Variants in S100G observed in about 807,000 individuals in gnomAD.
The protein encoded by S100G is protein S100-G.
Under a neutral mutation model 4.4 loss-of-function variants are expected in S100G, and 4 were observed. The observed-to-expected ratio is 0.91, with a 90% CI of 0.45 to 2.09. S100G has a LOEUF of 2.09. Among genes scored for constraint, S100G ranks in the 30% most tolerant of loss-of-function variants. The pLI, the probability that S100G is intolerant of heterozygous loss-of-function variation, is 0.03. For missense variants in S100G, 48 were observed against 49.8 expected, an observed-to-expected ratio of 0.96 and a Z score of 0.11; for synonymous variants, 24 against 20.1, an observed-to-expected ratio of 1.20 and a Z score of -0.53.
intron 2 of S100G, 44 bp downstream of exon 2, chrX:16,651,185 G>T: frequency 9.8e-7 from 1 of 1,017,117 alleles, no homozygotes; most frequent in South Asian, 2.0e-5. Flanking sequence ...ACTGATGGTG[G>T]GAGGGGAGGG....
Position 16,654,492 on chromosome X carries a change from A to T in S100G, c.223A>T (p.Lys75Ter). The T allele has an allele frequency of 8.5e-7, 1 of 1,174,762 alleles. No homozygotes were observed. The highest frequency in any genetic ancestry group is 1.2e-6 in the Non-Finnish European group (1 of 864,008). Residue 75 changes from lysine (K) to a stop codon, truncating the protein, a stop_gained, in exon 3 of 3, where the codon AAA becomes TAA. Coordinates refer to ENST00000380200, the MANE Select transcript of S100G (RefSeq NM_004057.3). LOFTEE classifies it high-confidence loss of function. ...TTTTGAAGAATTCCAAGTATTAGTA[A>T]AAAAGATATCCCAGTGAAGGAGAAA... ...VSFEEFQVLV[K>*]KISQ
chrX:16,652,017 A>AT (rs1932666951), intron 2 of S100G, among the ~76,000 whole-genome samples: 2 of 105,300 alleles, frequency 1.9e-5, no homozygotes, highest in South Asian at 1.0e-3. Context: ...ATAGAGCAGG[A>AT]TGGGGGGGGC....
chrX:16,650,803 G>A (rs1296797703), intron 1 of S100G, among the ~76,000 whole-genome samples, 196 bp from the exon 2 acceptor site: 1 of 110,402 alleles, frequency 9.1e-6, no homozygotes, highest in African/African-American at 3.3e-5. Context: ...GAGCTACCGT[G>A]CCTGGCCTAA....
At chrX:16,651,192 A>T in intron 2 of S100G, 51 bp downstream of exon 2, 7 of 290,887 alleles carry the variant, frequency 2.4e-5, no homozygotes, top group Non-Finnish European at 4.1e-5. Context: ...GTGGGAGGGG[A>T]GGGAGGGAGG....
At chrX:16,651,822 C>T (rs1932651118) in intron 2 of S100G, among the ~76,000 whole-genome samples, 1 of 111,679 alleles carries the variant, frequency 9.0e-6, no homozygotes, top group African/African-American at 3.3e-5. Flanking sequence ...GTCCTCACTC[C>T]AATATACAGT....
intron 2 of S100G, among the ~76,000 whole-genome samples, chrX:16,651,443 C>G (rs1444894901): frequency 9.0e-6 from 1 of 111,669 alleles, no homozygotes; most frequent in African/African-American, 3.3e-5. Flanking sequence ...CCCAATAAGG[C>G]CTTCAGCATG....
rs966015126 is a variant in S100G, at chrX:16,650,182, T to G, written c.-30T>G. On this transcript the variant is annotated 5_prime_UTR_variant, in exon 1 of 3. Transcript: ENST00000380200. ...CAAACTCCTCTTTGATTCTTCTAGC[T>G]GTTTCACTATTGGGCAACCAGGTTA... 2 of 112,403 alleles carry G rather than the reference T, an allele frequency of 1.8e-5. No individual in the cohort carries two copies. The highest frequency in any genetic ancestry group is 6.5e-5 in the African/African-American group (2 of 30,920). 9.3% of individuals were successfully genotyped at this position (112,403 alleles called of 1,213,427 possible). A position where few individuals can be genotyped will look rare whatever the true frequency, so the allele number is the denominator to read the frequency against.
chrX:16,654,513 A>C lies in S100G; in HGVS notation c.*4A>C, dbSNP rs773607946. 1 of 1,108,599 alleles carries C rather than the reference A, an allele frequency of 9.0e-7. No homozygotes were observed. The highest frequency in any genetic ancestry group is 2.2e-5 in the Admixed American group (1 of 44,837). 91.4% of individuals were successfully genotyped at this position (1,108,599 alleles called of 1,213,427 possible). A position where few individuals can be genotyped will look rare whatever the true frequency, so the allele number is the denominator to read the frequency against. On this transcript the variant is annotated 3_prime_UTR_variant, in exon 3 of 3. Coordinates refer to ENST00000380200, the MANE Select transcript of S100G (RefSeq NM_004057.3). ...AGTAAAAAAGATATCCCAGTGAAGG[A>C]GAAAACAAAATAGAACCCTGAGCAC...
At chrX:16,651,911 C>T (rs1602202084) in intron 2 of S100G, among the ~76,000 whole-genome samples, 2 of 110,544 alleles carry the variant, frequency 1.8e-5, no homozygotes, top group East Asian at 5.7e-4. Context: ...TCCAGGAGGG[C>T]CATGGCGACC....
intron 1 of S100G, 138 bp from the exon 2 acceptor site, chrX:16,650,861 C>A: frequency 1.9e-6 from 1 of 514,657 alleles, no homozygotes; most frequent in Admixed American, 3.6e-5. Context: ...CCATTCCGAC[C>A]CCGACATTCT....
intron 1 of S100G, among the ~76,000 whole-genome samples, chrX:16,650,731 G>C (rs1028355217): frequency 9.1e-6 from 1 of 109,498 alleles, no homozygotes; most frequent in Non-Finnish European, 1.9e-5. Flanking sequence ...CCATGGTCTC[G>C]AACTCCTGAC....
chrX:16,651,658 C>A (rs1932639007), intron 2 of S100G, among the ~76,000 whole-genome samples: 1 of 112,324 alleles, frequency 8.9e-6, no homozygotes, highest in Non-Finnish European at 1.9e-5. Flanking sequence ...GTGTTCATCA[C>A]TTAAATTTGT....
At position 16,651,138 on chromosome X, in the gene S100G, C is replaced by T; in HGVS notation, c.132C>T (p.Leu44=). 1 of 1,007,659 alleles carries T rather than the reference C, an allele frequency of 9.9e-7. No individual in the cohort carries two copies. The highest frequency in any genetic ancestry group is 1.9e-5 in the South Asian group (1 of 52,587). The allele number at this position is 1,007,659 out of a possible 1,213,427, so 83.0% of individuals were successfully genotyped here. A position where few individuals can be genotyped will look rare whatever the true frequency, so the allele number is the denominator to read the frequency against. Residue 44 remains leucine, a synonymous_variant, in exon 2 of 3, where the codon CTC becomes CTT. Coordinates refer to ENST00000380200, the MANE Select transcript of S100G (RefSeq NM_004057.3). ...TTCAGGCTGAATTCCCCAGTTTACT[C>T]AAAGTAAGTGGCCATCCGCAGAGCC... ...LLIQAEFPSL[L]KGPNTLDDLF...
chrX:16,650,871 T>A, intron 1 of S100G, 128 bp from the exon 2 acceptor site: 1 of 553,439 alleles, frequency 1.8e-6, no homozygotes, highest in East Asian at 3.4e-5. Context: ...CCCGACATTC[T>A]CTTTTCCTTA....
At chrX:16,651,862 T>G (rs765599745) in intron 2 of S100G, among the ~76,000 whole-genome samples, 1 of 111,641 alleles carries the variant, frequency 9.0e-6, no homozygotes, top group Non-Finnish European at 1.9e-5. Flanking sequence ...AAGAAAAAGC[T>G]GAGTCAGGAC....
chrX:16,651,057 T>C lies in S100G; in HGVS notation c.51T>C (p.Tyr17=). ...AACTGAAGAGGATTTTTGAAAAATA[T>C]GCAGCCAAAGAAGGTGATCCAGACC... ...PEELKRIFEK[Y]AAKEGDPDQL... Residue 17 remains tyrosine (Y), a synonymous_variant, in exon 2 of 3, where the codon TAT becomes TAC. Transcript: ENST00000380200. The C allele has an allele frequency of 8.3e-7, 1 of 1,206,041 alleles. No homozygotes were observed. The highest frequency in any genetic ancestry group is 2.2e-5 in the Admixed American group (1 of 45,903).
At chrX:16,650,800 C>T (rs1932581393) in intron 1 of S100G, among the ~76,000 whole-genome samples, 199 bp from the exon 2 acceptor site, 4 of 110,357 alleles carry the variant, frequency 3.6e-5, no homozygotes, top group Admixed American at 9.7e-5. Flanking sequence ...CATGAGCTAC[C>T]GTGCCTGGCC....
intron 2 of S100G, among the ~76,000 whole-genome samples, chrX:16,653,314 C>T (rs1569213275): frequency 1.8e-5 from 2 of 111,535 alleles, no homozygotes; most frequent in South Asian, 3.8e-4. Flanking sequence ...AGCCTGCACA[C>T]GATCTCACAC....
At position 16,651,032 on chromosome X, in the gene S100G, A is replaced by G; in HGVS notation, c.26A>G (p.Glu9Gly). ...ATGAGTACTAAAAAGTCTCCTGAGGAACTGAAGAGGATTTTTGAAAAATAT... is the reference window on the plus strand; with the variant it reads ...ATGAGTACTAAAAAGTCTCCTGAGGGACTGAAGAGGATTTTTGAAAAATAT... Reference protein sequence around the residue: MSTKKSPEELKRIFEKYAA... With the variant: MSTKKSPEGLKRIFEKYAA... Residue 9 changes from glutamate to glycine, a missense_variant, in exon 2 of 3, where the codon GAA becomes GGA. Coordinates refer to ENST00000380200, the MANE Select transcript of S100G (RefSeq NM_004057.3). The G allele has an allele frequency of 8.3e-7, 1 of 1,206,098 alleles. No individual in the cohort carries two copies. Among genetic ancestry groups the G allele is most frequent in the Non-Finnish European group, 1.1e-6 (1 of 890,639 alleles).
Sources: gnomAD v4.1 joint callset for allele counts (sites outside exome capture counted in the v4.1 genomes callset) on GRCh38, gnomAD v4.1.1 for gene constraint, MANE v1.5 for transcripts, NCBI Gene and HGNC (gene_info 2026-07-23, HGNC 2026-07-21) for gene names.